The following TTI1 variants were observed in gnomAD, a reference collection of about 807,000 sequenced individuals.
TTI1 encodes the protein TELO2-interacting protein 1 homolog.
In TTI1, 52 loss-of-function variants were observed where a neutral mutation model predicts 85.4. The ratio of observed to expected loss-of-function variants is 0.61; its 90% CI spans 0.49 to 0.77. The LOEUF is 0.77. Ranked by LOEUF, TTI1 falls within the 30% of genes least tolerant of loss-of-function variation. The probability of loss-of-function intolerance (pLI) is 0.00; values close to 1 mark genes in which losing one functional copy is unlikely to be tolerated. For synonymous variants in TTI1, 512 were observed against 503.9 expected (o/e 1.02, Z -0.22); for missense variants, 1,173 against 1,296.0 (o/e 0.91, Z 1.46).
intron 1 of TTI1, among the ~76,000 whole-genome samples, chr20:38,029,819 T>C (rs1056915145): frequency 8.5e-5 from 13 of 152,272 alleles, no homozygotes; most frequent in African/African-American, 3.1e-4. Context: ...CTGGTGGCTT[T>C]ATAAGAGCAA....
chr20:38,001,952 G>C (rs1387034586), intron 4 of TTI1, among the ~76,000 whole-genome samples: 1 of 152,134 alleles, frequency 6.6e-6, no homozygotes, highest in Non-Finnish European at 1.5e-5. Context: ...TCCCAACTCA[G>C]GTGATCCGCC....
Position 38,012,218 on chromosome 20 carries a change from A to G in TTI1, c.1599T>C (p.Ala533=). 1 of 1,614,232 alleles carries G rather than the reference A, an allele frequency of 6.2e-7. No individual in the cohort carries two copies. The highest frequency in any genetic ancestry group is 8.5e-7 in the Non-Finnish European group (1 of 1,180,040). ...GAAGATCCTCAACCTCCAGCCCAGCAGCCCCTGTAACCAGTTCATTAAGGA... is the reference window on the plus strand; with the variant it reads ...GAAGATCCTCAACCTCCAGCCCAGCGGCCCCTGTAACCAGTTCATTAAGGA... ...AMILNELVTG[A]AGLEVEDLHE... is the part of the protein sequence containing the mutation. The change falls in exon 2 of 8, where the codon GCT becomes GCC. Residue 533 remains alanine, a synonymous_variant. Coordinates refer to ENST00000373447, the MANE Select transcript of TTI1 (RefSeq NM_001303457.2).
chr20:38,012,618 G>A lies in TTI1; in HGVS notation c.1199C>T (p.Thr400Ile). ...NSQDDQGKFS[T>I]LSLLLGYLKL... ...CAGATAACCAAGTAACAAGGAAAGA[G>A]TAGAGAATTTGCCCTGGTCATCTTG... The change falls in exon 2 of 8, where the codon ACT becomes ATT. Residue 400 changes from threonine to isoleucine, a missense_variant. Transcript: ENST00000373447. 6.2e-7 allele frequency: 1 copy of A among 1,614,224 alleles called. No individual in the cohort carries two copies. The highest frequency in any genetic ancestry group is 2.2e-5 in the East Asian group (1 of 44,884).
intron 3 of TTI1, among the ~76,000 whole-genome samples, chr20:38,003,370 G>A (rs1448467630): frequency 6.6e-6 from 1 of 152,168 alleles, no homozygotes; most frequent in South Asian, 2.1e-4. Flanking sequence ...TACTACATAC[G>A]TTTTTGCATG....
chr20:38,007,778 A>C (rs1372934254), intron 2 of TTI1, among the ~76,000 whole-genome samples: 3 of 152,252 alleles, frequency 2.0e-5, no homozygotes, highest in Admixed American at 2.0e-4. Context: ...GGCAACTGGC[A>C]GTATCAGAGA....
At chr20:37,987,506 C>T (rs1239262249) in intron 7 of TTI1, 1 of 374,148 alleles carries the variant, frequency 2.7e-6, no homozygotes, top group Non-Finnish European at 5.3e-6. Context: ...TTTCTTTCTC[C>T]TCCCCCCAGG....
chr20:38,031,968 T>G (rs2073914443), intron 1 of TTI1, among the ~76,000 whole-genome samples: 2 of 152,206 alleles, frequency 1.3e-5, no homozygotes, highest in Admixed American at 1.3e-4. Context: ...ACAGTGTTAT[T>G]AATATGGAAA....
At position 37,991,873 on chromosome 20, in the gene TTI1, G is replaced by C. The variant is rs146368828; in HGVS notation, c.3086+4502C>G. On this transcript the variant is annotated intron_variant, in intron 7 of 7. Transcript: ENST00000373447. ...CTGGAGACTCCTTGGACATACTAAC[G>C]TGATTCATCCACAAGCACCCTATGA... Among the ~76,000 whole-genome samples, 18 of 152,238 alleles carry C rather than the reference G, an allele frequency of 1.2e-4. No individual in the cohort carries two copies. The East Asian group carries it at 3.5e-3, about 29-fold the overall frequency.
chr20:38,016,855 T>A (rs994777071), intron 1 of TTI1, among the ~76,000 whole-genome samples: 2 of 152,228 alleles, frequency 1.3e-5, no homozygotes, highest in African/African-American at 4.8e-5. Flanking sequence ...CCATCCTGCA[T>A]GAAGGGCAGA....
At position 38,018,422 on chromosome 20, in the gene TTI1, A is replaced by T. The variant is rs6022391; in HGVS notation, c.-41-4565T>A. Among the ~76,000 whole-genome samples, 1,382 of 152,340 alleles carry T rather than the reference A, an allele frequency of 9.1e-3. 16 individuals carry two copies. The highest frequency in any genetic ancestry group is 0.03 in the African/African-American group (1,262 of 41,588). ...GATTTGGAAGATAGGTCAATAAAAA[A>T]TATTCAAACTCAATTAGAAAAATGA... On this transcript the variant is annotated intron_variant, in intron 1 of 7. Transcript: ENST00000373447.
chr20:38,010,213 T>A (rs2073562597), intron 2 of TTI1, among the ~76,000 whole-genome samples: 2 of 152,236 alleles, frequency 1.3e-5, no homozygotes, highest in Non-Finnish European at 2.9e-5. Context: ...TACAGGGCAG[T>A]GCACTGTCCC....
intron 1 of TTI1, among the ~76,000 whole-genome samples, chr20:38,022,329 C>G (rs1182652924): frequency 6.6e-6 from 1 of 152,212 alleles, no homozygotes; most frequent in Admixed American, 6.5e-5. Flanking sequence ...CTCCTCATCT[C>G]CTTTCCTTGC....
intron 2 of TTI1, 105 bp downstream of exon 2, chr20:38,011,410 T>A (rs2073584743): frequency 7.8e-7 from 1 of 1,282,404 alleles, no homozygotes; most frequent in Admixed American, 2.5e-5. Flanking sequence ...GATTAAAACG[T>A]CCTCCATAGC....
At position 38,006,315 on chromosome 20, in the gene TTI1, T is replaced by C. The variant is rs11906826; in HGVS notation, c.2385A>G (p.Arg795=). ...LGEEGSHLNQ[R]PAALEKSTTT... ...TGGTGCTCTTCTCAAGAGCTGCTGG[T>C]CTTTGGTTCAAATGACTTCCCTCTT... The change falls in exon 3 of 8, where the codon AGA becomes AGG. Residue 795 remains arginine, a synonymous_variant. Coordinates refer to ENST00000373447, the MANE Select transcript of TTI1 (RefSeq NM_001303457.2). 6,992 of 1,614,190 alleles carry C rather than the reference T, an allele frequency of 4.3e-3. 193 individuals carry two copies. The African/African-American group carries it at 0.071, about 16-fold the overall frequency.
intron 7 of TTI1, among the ~76,000 whole-genome samples, chr20:37,986,195 G>A (rs530364611): frequency 7.2e-4 from 109 of 152,200 alleles, no homozygotes; most frequent in Non-Finnish European, 1.2e-3. Context: ...AAGCTACAGC[G>A]TGGTGCTCTC....
chr20:37,991,750 C>A (rs1439798879), intron 7 of TTI1, among the ~76,000 whole-genome samples: 1 of 152,206 alleles, frequency 6.6e-6, no homozygotes, highest in Non-Finnish European at 1.5e-5. Context: ...ATGTACCCCA[C>A]ATAGGTGTGT....
chr20:38,023,952 A>G (rs1461771998), intron 1 of TTI1, among the ~76,000 whole-genome samples: 1 of 152,204 alleles, frequency 6.6e-6, no homozygotes, highest in East Asian at 1.9e-4. Context: ...GAGACTTCCC[A>G]TACATATTTC....
chr20:38,015,182 C>T (rs576564178), intron 1 of TTI1, among the ~76,000 whole-genome samples: 1 of 152,270 alleles, frequency 6.6e-6, no homozygotes, highest in South Asian at 2.1e-4. Context: ...CCTGCTCAGT[C>T]CAGAAAGAGA....
rs763501723 is a variant in TTI1, at chr20:38,013,120, C to G, written c.697G>C (p.Val233Leu). 1 of 1,614,110 alleles carries G rather than the reference C, an allele frequency of 6.2e-7. No homozygotes were observed. Among genetic ancestry groups the G allele is most frequent in the South Asian group, 1.1e-5 (1 of 91,078 alleles). ...TTGTAAAAGATCTTTAGGGAAGATA[C>G]GACAATGCTGTGACCTTGTTTAAAG... ...GDFKQGHSIV[V>L]SSLKIFYKTV... Residue 233 changes from valine (V) to leucine (L), a missense_variant, in exon 2 of 8, where the codon GTA becomes CTA. Physicochemically the swap from Val to Leu is conservative, Grantham distance 32. Transcript: ENST00000373447.
Sources: gnomAD v4.1 joint callset for allele counts (sites outside exome capture counted in the v4.1 genomes callset) on GRCh38, gnomAD v4.1.1 for gene constraint, MANE v1.5 for transcripts, NCBI Gene and HGNC (gene_info 2026-07-23, HGNC 2026-07-21) for gene names.